Variants in GABRG3 observed in about 807,000 individuals in gnomAD.
GABRG3 encodes gamma-aminobutyric acid receptor subunit gamma-3.
Under a neutral mutation model 48.8 loss-of-function variants are expected in GABRG3, and 25 were observed. The ratio of observed to expected loss-of-function variants is 0.51; its 90% CI spans 0.37 to 0.72. GABRG3 has a LOEUF of 0.72. Among genes scored for constraint, GABRG3 ranks in the 30% least tolerant of loss-of-function variants. GABRG3 has a pLI of 0.00. For synonymous variants in GABRG3, 227 were observed against 217.6 expected (o/e 1.04, Z -0.38); for missense variants, 394 against 577.9 (o/e 0.68, Z 3.26).
At chr15:27,005,240 C>G (rs10459764) in intron 2 of GABRG3, among the ~76,000 whole-genome samples, 1 of 151,322 alleles carries the variant, frequency 6.6e-6, no homozygotes, top group East Asian at 1.9e-4. Context: ...CTCTCTCTGT[C>G]GCCAGGCTGG....
chr15:27,494,547 A>C (rs1309380964), intron 6 of GABRG3, among the ~76,000 whole-genome samples: 1 of 152,134 alleles, frequency 6.6e-6, no homozygotes, highest in East Asian at 1.9e-4. Flanking sequence ...CAAATGCCTT[A>C]TTTTATATTA....
intron 2 of GABRG3, among the ~76,000 whole-genome samples, chr15:27,004,982 C>T (rs951456575): frequency 8.6e-5 from 13 of 151,990 alleles, no homozygotes; most frequent in Admixed American, 3.3e-4. Context: ...TGGGCCTCAG[C>T]GGGGTGACTG....
chr15:27,259,697 G>C (rs960722017), intron 3 of GABRG3, among the ~76,000 whole-genome samples: 1 of 152,098 alleles, frequency 6.6e-6, no homozygotes, highest in African/African-American at 2.4e-5. Flanking sequence ...GAGAGGGAAG[G>C]TGCATATTCA....
At chr15:27,397,174 C>T (rs1160205646) in intron 5 of GABRG3, among the ~76,000 whole-genome samples, 5 of 152,242 alleles carry the variant, frequency 3.3e-5, no homozygotes, top group South Asian at 2.1e-4. Context: ...GTGAAACATA[C>T]GCCTACATGG....
rs1888984473 is a variant in GABRG3, at chr15:27,447,721, A to G, written c.575-32929A>G. 6.6e-6 allele frequency among the ~76,000 whole-genome samples: 1 copy of G among 152,222 alleles called. No individual in the cohort carries two copies. Among genetic ancestry groups the G allele is most frequent in the Admixed American group, 6.5e-5 (1 of 15,288 alleles). ...TTGCAGAGACATGGATGACACTGGA[A>G]ACCATCATTCTCAGCAGACTAATAC... On this transcript the variant is annotated intron_variant, in intron 5 of 9. Transcript: ENST00000615808. This position sits in a 1 kb window ranked among gnomAD's most constrained non-coding sequence, Gnocchi z 4.0.
chr15:27,279,139 T>C (rs1354001550), intron 3 of GABRG3, among the ~76,000 whole-genome samples: 1 of 152,116 alleles, frequency 6.6e-6, no homozygotes, highest in Non-Finnish European at 1.5e-5. Context: ...TGTTTTTGTA[T>C]AGTTGGGTTT....
chr15:27,312,630 A>G (rs1388937994), intron 3 of GABRG3, among the ~76,000 whole-genome samples: 3 of 152,134 alleles, frequency 2.0e-5, no homozygotes, highest in African/African-American at 7.2e-5. Context: ...AGGGATTCAG[A>G]TGATATATTC....
At chr15:27,356,821 G>A (rs1894857424) in intron 5 of GABRG3, among the ~76,000 whole-genome samples, 1 of 152,180 alleles carries the variant, frequency 6.6e-6, no homozygotes, top group South Asian at 2.1e-4. Context: ...GGGGTTTCTT[G>A]ATACAGGGTT....
intron 5 of GABRG3, among the ~76,000 whole-genome samples, chr15:27,432,455 C>T (rs903873301): frequency 1.3e-5 from 2 of 152,122 alleles, no homozygotes; most frequent in Admixed American, 6.6e-5. Context: ...CTTTATTTCT[C>T]TCTGTGGATT....
rs939058248 is a variant in GABRG3, at chr15:27,527,613, CGAA to C, written c.1052_1054del (p.Lys351del). On this transcript the variant is annotated inframe_deletion, in exon 8 of 10. Coordinates refer to ENST00000615808, the MANE Select transcript of GABRG3 (RefSeq NM_033223.5). ...TCCAGCTGTAGAAAACCAACCACCACGAAGAAGACAACATCGGTGAGCTGCAGT... is the reference window on the plus strand; with the variant it reads ...TCCAGCTGTAGAAAACCAACCACCACGAAGACAACATCGGTGAGCTGCAGT... The C allele has an allele frequency of 5.0e-6, 8 of 1,610,642 alleles. No homozygotes were observed. The highest frequency in any genetic ancestry group is 2.7e-5 in the African/African-American group (2 of 74,996).
intron 3 of GABRG3, among the ~76,000 whole-genome samples, chr15:27,287,782 A>C (rs1258555274): frequency 7.6e-6 from 1 of 132,228 alleles, no homozygotes; most frequent in Non-Finnish European, 1.5e-5. Flanking sequence ...TCTGTTGCCC[A>C]GGCTGGAGTG....
At chr15:27,245,087 A>C (rs147864904) in intron 3 of GABRG3, among the ~76,000 whole-genome samples, 33 of 152,296 alleles carry the variant, frequency 2.2e-4, no homozygotes, top group African/African-American at 7.7e-4. Context: ...GTGGGATGTC[A>C]TACAGGGATG....
chr15:27,187,591 G>A (rs958468520), intron 3 of GABRG3, among the ~76,000 whole-genome samples: 11 of 151,972 alleles, frequency 7.2e-5, no homozygotes, highest in Admixed American at 2.6e-4. Flanking sequence ...TTTCATCAAC[G>A]TTTTGTTGTT....
intron 3 of GABRG3, among the ~76,000 whole-genome samples, chr15:27,191,576 T>C (rs908464517): frequency 5.3e-5 from 8 of 152,228 alleles, no homozygotes; most frequent in African/African-American, 1.9e-4. Flanking sequence ...ATTTGCTTGG[T>C]AGATCTTCCT....
chr15:27,000,815 A>G (rs186596022), intron 2 of GABRG3, among the ~76,000 whole-genome samples: 42 of 152,272 alleles, frequency 2.8e-4, no homozygotes, highest in Non-Finnish European at 5.0e-4. Flanking sequence ...AGCCAGTTGA[A>G]CCTCTTTTCT....
At chr15:27,486,491 A>G (rs1252217415) in intron 6 of GABRG3, among the ~76,000 whole-genome samples, 1 of 152,098 alleles carries the variant, frequency 6.6e-6, no homozygotes, top group Non-Finnish European at 1.5e-5. Context: ...GAAGTTTTTG[A>G]TACTGTGTGT....
Position 27,276,630 on chromosome 15 carries a change from CT to C in GABRG3, c.271-50169del, listed in dbSNP as rs200338414. ...GAGAGTTGGGAATGGGAATGATTAGCTTTTTTTTTTAAGGAATTTTGTTTTA... is the reference window on the plus strand; with the variant it reads ...GAGAGTTGGGAATGGGAATGATTAGCTTTTTTTTTAAGGAATTTTGTTTTA... On this transcript the variant is annotated intron_variant, in intron 3 of 9. Transcript: ENST00000615808. Among the ~76,000 whole-genome samples the C allele has an allele frequency of 2.2e-3, 321 of 148,134 alleles. 2 individuals carry two copies. Among genetic ancestry groups the C allele is most frequent in the Non-Finnish European group, 2.1e-3 (142 of 66,740 alleles).
chr15:27,045,268 G>T (rs1332275748), intron 3 of GABRG3, among the ~76,000 whole-genome samples: 1 of 152,202 alleles, frequency 6.6e-6, no homozygotes, highest in Non-Finnish European at 1.5e-5. Context: ...GTGATTTCAG[G>T]TTGTCCTGAA....
intron 3 of GABRG3, among the ~76,000 whole-genome samples, chr15:27,142,991 G>A (rs1898132748): frequency 6.6e-6 from 1 of 152,190 alleles, no homozygotes; most frequent in African/African-American, 2.4e-5. Flanking sequence ...CTGGGCTCAA[G>A]TGAGCTGCCT....
Sources: allele counts gnomAD v4.1 joint callset (sites outside exome capture counted in the v4.1 genomes callset), GRCh38; gene constraint gnomAD v4.1.1; non-coding constraint Gnocchi (gnomAD v3.1); transcripts MANE v1.5; gene names NCBI Gene and HGNC (gene_info 2026-07-23, HGNC 2026-07-21).